The following EPHA6 variants were observed in gnomAD, a reference collection of about 807,000 sequenced individuals.
EPHA6 encodes ephrin type-A receptor 6.
In EPHA6, 50 loss-of-function variants were observed where a neutral mutation model predicts 112.0. That is an observed-to-expected ratio of 0.45 (90% CI 0.36 to 0.56). The LOEUF (loss-of-function observed/expected upper bound fraction) is 0.56, where lower values mean the gene tolerates loss of function less well. Ranked by LOEUF, EPHA6 falls within the 20% of genes least tolerant of loss-of-function variation. The pLI, the probability that EPHA6 is intolerant of heterozygous loss-of-function variation, is 0.00. For synonymous variants in EPHA6, 529 were observed against 490.7 expected (o/e 1.08, Z -1.03); for missense variants, 1,280 against 1,417.4 (o/e 0.90, Z 1.56).
chr3:97,001,085 C>T (rs2027815), intron 3 of EPHA6, among the ~76,000 whole-genome samples: 3,059 of 132,824 alleles, frequency 0.023, 54 homozygotes, highest in Non-Finnish European at 0.034. Flanking sequence ...AGATATAAAC[C>T]GAACTAAGTA....
intron 11 of EPHA6, among the ~76,000 whole-genome samples, chr3:97,575,005 T>C (rs530930295): frequency 1.2e-4 from 18 of 152,066 alleles, no homozygotes; most frequent in South Asian, 6.2e-4. Context: ...ATGTACCCCC[T>C]GAATCTAAAA....
At chr3:96,828,557 C>G (rs1430595750) in intron 1 of EPHA6, among the ~76,000 whole-genome samples, 1 of 152,110 alleles carries the variant, frequency 6.6e-6, no homozygotes, top group East Asian at 1.9e-4. Flanking sequence ...TTTATGAGTG[C>G]TTAGGAATGG....
At chr3:97,072,814 CT>C (rs1230933757) in intron 3 of EPHA6, among the ~76,000 whole-genome samples, 1 of 152,098 alleles carries the variant, frequency 6.6e-6, no homozygotes, top group Non-Finnish European at 1.5e-5. Flanking sequence ...CATAGGTTAA[CT>C]TTTTGCCTGC....
chr3:97,263,352 C>A (rs560432000), intron 5 of EPHA6, among the ~76,000 whole-genome samples: 7 of 151,164 alleles, frequency 4.6e-5, no homozygotes, highest in Middle Eastern at 3.4e-3. Context: ...TATATTTGTT[C>A]AATAAAGGAA....
intron 3 of EPHA6, among the ~76,000 whole-genome samples, chr3:97,052,120 C>T (rs1237346447): frequency 6.6e-6 from 1 of 152,076 alleles, no homozygotes; most frequent in Non-Finnish European, 1.5e-5. Flanking sequence ...GCTATGTCTA[C>T]ATGGTTAATA....
At chr3:97,448,136 G>T (rs2090411667) in intron 6 of EPHA6, among the ~76,000 whole-genome samples, 1 of 152,106 alleles carries the variant, frequency 6.6e-6, no homozygotes, top group Admixed American at 6.6e-5. Flanking sequence ...TCTACCCACG[G>T]ATAGCGCCGG....
intron 3 of EPHA6, among the ~76,000 whole-genome samples, chr3:97,214,038 T>TGTGTGTGTGTGTGTGA (rs1491420279): frequency 1.7e-4 from 13 of 77,834 alleles, no homozygotes; most frequent in African/African-American, 4.2e-4. Context: ...TGTGTGTGTG[T>TGTGTGTGTGTGTGTGA]GAGAGAGAGA....
chr3:97,509,618 A>AT (rs2107585974), intron 10 of EPHA6, among the ~76,000 whole-genome samples: 1 of 151,776 alleles, frequency 6.6e-6, no homozygotes, highest in East Asian at 1.9e-4. Context: ...TGCCCTTAAC[A>AT]TTTTTTCCTT....
In EPHA6 at chr3:96,921,666, C is replaced by T. The variant is rs141652762; in HGVS notation, c.450+54777C>T. On this transcript the variant is annotated intron_variant, in intron 2 of 17. Coordinates refer to ENST00000389672, the MANE Select transcript of EPHA6 (RefSeq NM_001080448.3). ...TCACTGCAACCTCCGCCTCTGGATT[C>T]AAGCAATCCTCCTGCCTCAGCCTCC... 6.4e-3 allele frequency among the ~76,000 whole-genome samples: 970 copies of T among 151,600 alleles called. 6 individuals carry two copies. The highest frequency in any genetic ancestry group is 0.021 in the African/African-American group (875 of 41,268).
At chr3:96,937,644 G>A (rs1015925435) in intron 2 of EPHA6, among the ~76,000 whole-genome samples, 1 of 152,102 alleles carries the variant, frequency 6.6e-6, no homozygotes, top group Non-Finnish European at 1.5e-5. Context: ...GACTTTTGTT[G>A]TCATTGCTTG....
chr3:97,479,165 TATAAAG>T, intron 8 of EPHA6, 123 bp from the exon 9 acceptor site: 1 of 554,224 alleles, frequency 1.8e-6, no homozygotes, highest in Non-Finnish European at 3.1e-6. Context: ...ATTTTCACGT[TATAAAG>T]ATATTTTAAA....
chr3:97,140,411 G>A (rs555207858), intron 3 of EPHA6, among the ~76,000 whole-genome samples: 1 of 152,120 alleles, frequency 6.6e-6, no homozygotes, highest in South Asian at 2.1e-4. Flanking sequence ...GTGAACATGA[G>A]AGGAAAAATT....
At chr3:97,665,255 T>C (rs1213415771) in intron 14 of EPHA6, among the ~76,000 whole-genome samples, 4 of 152,166 alleles carry the variant, frequency 2.6e-5, no homozygotes, top group African/African-American at 7.2e-5. Context: ...CTGGGAAAAC[T>C]GGCTAGCCAT....
At chr3:97,355,262 A>G (rs1475556851) in intron 5 of EPHA6, among the ~76,000 whole-genome samples, 1 of 152,240 alleles carries the variant, frequency 6.6e-6, no homozygotes, top group African/African-American at 2.4e-5. Flanking sequence ...TATCTCGATT[A>G]GAAAGACTAA....
intron 2 of EPHA6, among the ~76,000 whole-genome samples, chr3:96,933,230 C>T (rs1004665051): frequency 2.0e-5 from 3 of 151,460 alleles, no homozygotes; most frequent in Non-Finnish European, 2.9e-5. Flanking sequence ...AAGTGTCTAG[C>T]GAGGGGCAAA....
chr3:96,856,427 A>C (rs1291327041), intron 1 of EPHA6, among the ~76,000 whole-genome samples: 3 of 152,118 alleles, frequency 2.0e-5, no homozygotes, highest in Non-Finnish European at 4.4e-5. Flanking sequence ...AAACCTTGGA[A>C]AAAAAATATT....
At chr3:97,662,098 T>C (rs561105352) in intron 14 of EPHA6, among the ~76,000 whole-genome samples, 10 of 151,960 alleles carry the variant, frequency 6.6e-5, no homozygotes, top group Admixed American at 4.6e-4. Context: ...GAGATTGAGG[T>C]CTTTTTAGCA....
At chr3:97,213,402 A>G (rs2077933934) in intron 3 of EPHA6, among the ~76,000 whole-genome samples, 1 of 152,156 alleles carries the variant, frequency 6.6e-6, no homozygotes. Context: ...ATTTCTGGCC[A>G]CCACCACCAC....
At chr3:96,967,025 G>C (rs1015776602) in intron 2 of EPHA6, among the ~76,000 whole-genome samples, 3 of 151,724 alleles carry the variant, frequency 2.0e-5, no homozygotes, top group East Asian at 3.9e-4. Flanking sequence ...CATTTTCCTT[G>C]TGTAAGCATA....
Sources: allele counts gnomAD v4.1 joint callset (sites outside exome capture counted in the v4.1 genomes callset), GRCh38; gene constraint gnomAD v4.1.1; transcripts MANE v1.5; gene names NCBI Gene and HGNC (gene_info 2026-07-23, HGNC 2026-07-21).